CACNA1I: variants seen among roughly 807,000 people sequenced by gnomAD.
The protein encoded by CACNA1I is calcium voltage-gated channel subunit alpha1 I, also known as voltage-dependent T-type calcium channel subunit alpha-1I.
In CACNA1I, 74 loss-of-function variants were observed where a neutral mutation model predicts 201.6. The observed-to-expected ratio is 0.37, with a 90% CI of 0.30 to 0.45. The LOEUF (loss-of-function observed/expected upper bound fraction) is 0.45, where lower values mean the gene tolerates loss of function less well. CACNA1I is among the 20% of genes least tolerant of loss of function. The probability of loss-of-function intolerance (pLI) is 1.00; values close to 1 mark genes in which losing one functional copy is unlikely to be tolerated. For missense variants in CACNA1I, 2,346 were observed against 3,138.1 expected (o/e 0.75, Z 6.03); for synonymous variants, 1,431 against 1,345.2 (o/e 1.06, Z -1.40).
At chr22:39,588,774 C>T (rs1001081011) in intron 1 of CACNA1I, among the ~76,000 whole-genome samples, 1 of 152,192 alleles carries the variant, frequency 6.6e-6, no homozygotes, top group South Asian at 2.1e-4. Context: ...CTGTCCCCCA[C>T]CTGCCTTGGG....
At chr22:39,598,583 C>T (rs1461225891) in intron 2 of CACNA1I, among the ~76,000 whole-genome samples, 2 of 151,936 alleles carry the variant, frequency 1.3e-5, no homozygotes. Flanking sequence ...TTCTCCTACC[C>T]GGGTGCCCCC....
intron 10 of CACNA1I, among the ~76,000 whole-genome samples, chr22:39,650,961 T>C (rs1326669767): frequency 6.6e-6 from 1 of 152,054 alleles, no homozygotes; most frequent in Non-Finnish European, 1.5e-5. Context: ...CAAGGATGCC[T>C]CAGTCCACAG....
chr22:39,583,260 C>G (rs936017749), intron 1 of CACNA1I, among the ~76,000 whole-genome samples: 1 of 152,006 alleles, frequency 6.6e-6, no homozygotes, highest in African/African-American at 2.4e-5. Context: ...ATCAATCCAA[C>G]TGTCCATCCA....
intron 4 of CACNA1I, among the ~76,000 whole-genome samples, chr22:39,625,501 TACAA>T (rs1439636619): frequency 6.6e-6 from 1 of 152,150 alleles, no homozygotes; most frequent in Non-Finnish European, 1.5e-5. Flanking sequence ...TCCCTACTCG[TACAA>T]ACAAAGCAGG....
intron 3 of CACNA1I, among the ~76,000 whole-genome samples, chr22:39,617,151 G>T (rs1933562351): frequency 6.6e-6 from 1 of 152,214 alleles, no homozygotes; most frequent in African/African-American, 2.4e-5. Flanking sequence ...ACCCAGTAGG[G>T]TCTCAAACAG....
intron 7 of CACNA1I, among the ~76,000 whole-genome samples, chr22:39,645,819 A>G (rs1240520763): frequency 1.3e-5 from 2 of 152,204 alleles, no homozygotes; most frequent in African/African-American, 2.4e-5. Flanking sequence ...TCGGGCCACA[A>G]GGAGATGGGA....
At chr22:39,581,433 C>T (rs1367681132) in intron 1 of CACNA1I, among the ~76,000 whole-genome samples, 4 of 152,116 alleles carry the variant, frequency 2.6e-5, no homozygotes, top group African/African-American at 9.7e-5. Flanking sequence ...GGATGAGGGG[C>T]CTTTTGTATG....
At chr22:39,614,837 AAGAC>A (rs1944293283) in intron 3 of CACNA1I, among the ~76,000 whole-genome samples, 1 of 152,188 alleles carries the variant, frequency 6.6e-6, no homozygotes. Flanking sequence ...CTCTCCCCAG[AAGAC>A]AGCCACCTCC....
chr22:39,660,754 G>A (rs1473430511), intron 15 of CACNA1I, among the ~76,000 whole-genome samples: 1 of 151,990 alleles, frequency 6.6e-6, no homozygotes, highest in South Asian at 2.1e-4. Context: ...GCACTACTGG[G>A]CATCTTGGAA....
chr22:39,631,576 G>T (rs1163642363), intron 4 of CACNA1I, among the ~76,000 whole-genome samples: 5 of 152,218 alleles, frequency 3.3e-5, no homozygotes, highest in African/African-American at 1.2e-4. Context: ...TTGGCCGGGG[G>T]AAGGTGTGGT....
Position 39,663,800 on chromosome 22 carries a change from A to G in CACNA1I, c.3556A>G (p.Thr1186Ala). Residue 1186 changes from threonine to alanine, a missense_variant, in exon 19 of 37, where the codon ACC (threonine) becomes GCC (alanine). Thr to Ala is a moderately conservative substitution (Grantham distance 58). Around this residue, in one of 13 missense-constraint regions of CACNA1I, gnomAD observed 158 missense variants for 231.6 expected, o/e 0.68. Coordinates refer to ENST00000402142, the MANE Select transcript of CACNA1I (RefSeq NM_021096.4). ...VLAFIFLNCI[T>A]IALERPQIEA... ...GGCCTTCATCTTTCTCAACTGCATCACCATCGCCCTGGAGCGGCCTCAGAT... is the reference window on the plus strand; with the variant it reads ...GGCCTTCATCTTTCTCAACTGCATCGCCATCGCCCTGGAGCGGCCTCAGAT... 6.2e-7 allele frequency: 1 copy of G among 1,613,630 alleles called. No individual in the cohort carries two copies. Among genetic ancestry groups the G allele is most frequent in the South Asian group, 1.1e-5 (1 of 91,074 alleles).
intron 1 of CACNA1I, among the ~76,000 whole-genome samples, chr22:39,595,240 G>GA (rs1258818496): frequency 6.6e-6 from 1 of 151,924 alleles, no homozygotes; most frequent in Non-Finnish European, 1.5e-5. Flanking sequence ...AGTGAGCCGA[G>GA]ATCACGCCAC....
Position 39,684,269 on chromosome 22 carries a change from C to T in CACNA1I, c.5831-33C>T, listed in dbSNP as rs769407053. ...GGGGCTGCCCCCTGGCCTGAGCGTG[C>T]TCCCTCAGCTCTGTCTTCTCCTTTC... On this transcript the variant is annotated intron_variant, in intron 35 of 36. Transcript: ENST00000402142. The surrounding 1 kb of genome is among the most constrained non-coding windows in gnomAD (Gnocchi z 4.6). The T allele has an allele frequency of 2.7e-5, 43 of 1,602,708 alleles. No individual in the cohort carries two copies. Among genetic ancestry groups the T allele is most frequent in the Non-Finnish European group, 3.4e-5 (40 of 1,172,166 alleles).
rs1280804420 is a variant in CACNA1I at position 39,646,870 on chromosome 22, C to T, written c.1451C>T (p.Pro484Leu). Residue 484 changes from proline (P) to leucine (L), a missense_variant, in exon 8 of 37, where the codon CCC (proline) becomes CTC (leucine). Pro to Leu is a moderately conservative substitution (Grantham distance 98). This residue lies in a region of CACNA1I where 312 missense variants were observed against 331.5 expected (regional missense o/e 0.94). Coordinates refer to ENST00000402142, the MANE Select transcript of CACNA1I (RefSeq NM_021096.4). ...AAACCTGGGCCCCACGCCAAGGAGC[C>T]CCGGCACTACCGTAAGTGGCCCTGC... ...PAKPGPHAKE[P>L]RHYHGKTKGQ... 6.6e-7 allele frequency: 1 copy of T among 1,503,774 alleles called. No homozygotes were observed. The highest frequency in any genetic ancestry group is 1.3e-5 in the South Asian group (1 of 77,146). 93.2% of individuals were successfully genotyped at this position (1,503,774 alleles called of 1,614,324 possible).
rs1430125907 is a variant in CACNA1I, at chr22:39,686,151, C to A, written c.6418C>A (p.Pro2140Thr). Reference protein sequence around the residue: ...LSLTSLFCPPPPPPAPGLTPA... With the variant: ...LSLTSLFCPPTPPPAPGLTPA... ...GCTCACCTCCCTCTTCTGCCCGCCG[C>A]CCCCGCCGCCAGCCCCCGGCCTCAC... The change falls in exon 37 of 37, where the codon CCC (proline) becomes ACC (threonine). Residue 2140 changes from proline (P) to threonine (T), a missense_variant. Pro to Thr is a conservative substitution (Grantham distance 38). Coordinates refer to ENST00000402142, the MANE Select transcript of CACNA1I (RefSeq NM_021096.4). The A allele has an allele frequency of 2.3e-6, 3 of 1,280,418 alleles. No homozygotes were observed. Among genetic ancestry groups the A allele is most frequent in the African/African-American group, 1.6e-5 (1 of 64,236 alleles). The allele number at this position is 1,280,418 out of a possible 1,614,324, so 79.3% of individuals were successfully genotyped here. A position where few individuals can be genotyped will look rare whatever the true frequency, so the allele number is the denominator to read the frequency against.
chr22:39,642,619 C>T lies in CACNA1I; in HGVS notation c.1057-178C>T, dbSNP rs114418413. 5.6e-3 allele frequency among the ~76,000 whole-genome samples: 858 copies of T among 152,320 alleles called. 8 individuals are homozygous for T. Among genetic ancestry groups the T allele is most frequent in the African/African-American group, 0.02 (816 of 41,568 alleles). On this transcript the variant is annotated intron_variant, in intron 6 of 36. Transcript: ENST00000402142. ...GGGCAAGTGCTTTCCCCTCACTGAG[C>T]CTCAGTTTCCTCACCTGTATAATGT... is the stretch of plus-strand genomic sequence containing the variant.
rs932295808 is a variant in CACNA1I, at chr22:39,649,237, G to A, written c.1568-264G>A. Among the ~76,000 whole-genome samples, 9 of 152,328 alleles carry A rather than the reference G, an allele frequency of 5.9e-5. No individual in the cohort carries two copies. Among genetic ancestry groups the A allele is most frequent in the African/African-American group, 2.2e-4 (9 of 41,580 alleles). On this transcript the variant is annotated intron_variant, in intron 9 of 36. Coordinates refer to ENST00000402142, the MANE Select transcript of CACNA1I (RefSeq NM_021096.4). The surrounding 1 kb of genome is among the most constrained non-coding windows in gnomAD (Gnocchi z 7.3). ...ACGGATGCGCGCCCTGCACCGTGCT[G>A]GGCCCATCATGTGCCTTAAGGGAGA...
In CACNA1I at chr22:39,659,723, C is replaced by T. The variant is rs768116780; in HGVS notation, c.2475C>T (p.Val825=). The change falls in exon 14 of 37, where the codon GTC becomes GTT. Residue 825 remains valine (V), a synonymous_variant. Coordinates refer to ENST00000402142, the MANE Select transcript of CACNA1I (RefSeq NM_021096.4). This position sits in a 1 kb window ranked among gnomAD's most constrained non-coding sequence, Gnocchi z 4.3. ...FQILTQEDWN[V]VLYNGMASTS... is the part of the protein sequence containing the mutation. ...TCCTCACCCAGGAGGACTGGAACGT[C>T]GTTCTCTACAATGGCATGGCCTCCA... is the stretch of plus-strand genomic sequence containing the variant. 3.1e-6 allele frequency: 5 copies of T among 1,613,826 alleles called. No homozygotes were observed. The highest frequency in any genetic ancestry group is 2.7e-5 in the African/African-American group (2 of 74,926).
In CACNA1I at chr22:39,648,004, C is replaced by A; in HGVS notation, c.1567+78C>A. ...TCCCAGTTGGTGCTGAGAAGGAAGT[C>A]GGCAGGCATGGGGACGGCGCTTGAG... On this transcript the variant is annotated intron_variant, in intron 9 of 36. Transcript: ENST00000402142. The surrounding 1 kb of genome is among the most constrained non-coding windows in gnomAD (Gnocchi z 5.4). The A allele has an allele frequency of 1.5e-6, 2 of 1,311,730 alleles. No homozygotes were observed. The highest frequency in any genetic ancestry group is 2.2e-6 in the Non-Finnish European group (2 of 919,036). The allele number at this position is 1,311,730 out of a possible 1,614,324, so 81.3% of individuals were successfully genotyped here.
Sources: gnomAD v4.1 joint callset for allele counts (sites outside exome capture counted in the v4.1 genomes callset) on GRCh38, gnomAD v4.1.1 for gene constraint, gnomAD v4.1.1 regional missense constraint, Gnocchi (gnomAD v3.1) non-coding constraint, MANE v1.5 for transcripts, NCBI Gene and HGNC (gene_info 2026-07-23, HGNC 2026-07-21) for gene names.